PCDH7: variants seen among roughly 807,000 people sequenced by gnomAD.
The protein encoded by PCDH7 is protocadherin 7.
Under a neutral mutation model 58.9 loss-of-function variants are expected in PCDH7, and 17 were observed. The observed-to-expected ratio is 0.29, with a 90% CI of 0.20 to 0.43. PCDH7 has a LOEUF of 0.43. Ranked by LOEUF, PCDH7 falls within the 20% of genes least tolerant of loss-of-function variation. The probability of loss-of-function intolerance (pLI) is 1.00; values close to 1 mark genes in which losing one functional copy is unlikely to be tolerated. For missense variants in PCDH7, 1,274 were observed against 1,441.0 expected (o/e 0.88, Z 1.88); for synonymous variants, 664 against 616.4 (o/e 1.08, Z -1.14).
intron 3 of PCDH7, among the ~76,000 whole-genome samples, chr4:31,071,826 T>C (rs1449946806): frequency 6.6e-6 from 1 of 152,090 alleles, no homozygotes; most frequent in African/African-American, 2.4e-5. Context: ...TCCTGCAGTG[T>C]TAAGGAAATT....
intron 3 of PCDH7, among the ~76,000 whole-genome samples, chr4:31,138,992 A>G (rs574214552): frequency 2.0e-5 from 3 of 151,516 alleles, no homozygotes; most frequent in Non-Finnish European, 2.9e-5. Flanking sequence ...AAAAAAAAGA[A>G]AAGAAAAAAA....
chr4:31,046,065 C>T (rs1756258925), intron 3 of PCDH7, among the ~76,000 whole-genome samples: 1 of 151,984 alleles, frequency 6.6e-6, no homozygotes, highest in Non-Finnish European at 1.5e-5. Flanking sequence ...CTGCTATCTA[C>T]AGCAGCTTCC....
intron 1 of PCDH7, among the ~76,000 whole-genome samples, chr4:30,906,347 G>T (rs573071243): frequency 2.6e-5 from 4 of 152,266 alleles, no homozygotes; most frequent in Non-Finnish European, 5.9e-5. Context: ...TATTAATGCT[G>T]AAAGATTAGG....
At chr4:30,759,037 G>T (rs1310332233) in intron 1 of PCDH7, among the ~76,000 whole-genome samples, 1 of 150,096 alleles carries the variant, frequency 6.7e-6, no homozygotes, top group East Asian at 2.0e-4. Context: ...CGCCTCCCAG[G>T]TTCAAGTGAT....
chr4:30,968,376 CTATATATATA>C (rs60085619), intron 3 of PCDH7, among the ~76,000 whole-genome samples: 43 of 67,052 alleles, frequency 6.4e-4, no homozygotes, highest in Admixed American at 2.3e-3. Flanking sequence ...TATACACACA[CTATATATATA>C]TATATATATA....
chr4:30,783,607 G>A (rs1021084740), intron 1 of PCDH7, among the ~76,000 whole-genome samples: 2 of 152,088 alleles, frequency 1.3e-5, no homozygotes, highest in Non-Finnish European at 2.9e-5. Context: ...CCTGTCTGTG[G>A]TTTTGAAGTT....
exon 1 of PCDH7, chr4:30,724,039 A>C: frequency 6.2e-7 from 1 of 1,614,152 alleles, no homozygotes; most frequent in Non-Finnish European, 8.5e-7. Context: ...AAGCTATGAA[A>C]TTAGCAAACA....
rs973040152 is a variant in PCDH7 at position 30,973,484 on chromosome 4, C to A, written c.*7+23269C>A. On this transcript the variant is annotated intron_variant, in intron 3 of 3. Transcript: ENST00000509759. ...AAGACTACCACATTAGAATTTTAGGCAGATTGTTTTATTTACATTCGAGGA... is the reference window on the plus strand; with the variant it reads ...AAGACTACCACATTAGAATTTTAGGAAGATTGTTTTATTTACATTCGAGGA... 3.3e-5 allele frequency among the ~76,000 whole-genome samples: 5 copies of A among 152,052 alleles called. 1 individual carries two copies. Among genetic ancestry groups the A allele is most frequent in the African/African-American group, 1.2e-4 (5 of 41,394 alleles).
At chr4:30,964,271 T>C in intron 3 of PCDH7, among the ~76,000 whole-genome samples, 1 of 150,230 alleles carries the variant, frequency 6.7e-6, no homozygotes, top group African/African-American at 2.4e-5. Context: ...AGATGAAATC[T>C]GGCTCTGTCT....
chr4:30,973,907 G>A (rs142807025), intron 3 of PCDH7, among the ~76,000 whole-genome samples: 23 of 152,004 alleles, frequency 1.5e-4, no homozygotes, highest in Admixed American at 9.8e-4. Context: ...TTGAATTTAT[G>A]TGAATTTACT....
intron 3 of PCDH7, among the ~76,000 whole-genome samples, chr4:31,081,072 C>T (rs1183371666): frequency 1.3e-5 from 2 of 152,096 alleles, no homozygotes; most frequent in East Asian, 3.8e-4. Flanking sequence ...CTACCCAGTC[C>T]TGGGTGTGTC....
At chr4:30,965,522 A>G (rs1007764368) in intron 3 of PCDH7, among the ~76,000 whole-genome samples, 7 of 152,036 alleles carry the variant, frequency 4.6e-5, no homozygotes, top group African/African-American at 1.4e-4. Context: ...TTTTCCCTCT[A>G]TAGATCACAT....
intron 3 of PCDH7, among the ~76,000 whole-genome samples, chr4:31,077,845 C>T (rs1014174598): frequency 6.6e-6 from 1 of 152,122 alleles, no homozygotes; most frequent in African/African-American, 2.4e-5. Context: ...GCACGAGGTC[C>T]ACTGACTGAC....
At chr4:30,798,863 A>G (rs556603873) in intron 1 of PCDH7, among the ~76,000 whole-genome samples, 18 of 152,342 alleles carry the variant, frequency 1.2e-4, no homozygotes, top group African/African-American at 4.3e-4. Context: ...ACTTTGCAGC[A>G]TATTACTAAT....
At chr4:30,756,702 T>C (rs1719356666) in intron 1 of PCDH7, among the ~76,000 whole-genome samples, 1 of 152,214 alleles carries the variant, frequency 6.6e-6, no homozygotes, top group Non-Finnish European at 1.5e-5. Context: ...ACTCATTCTC[T>C]TCCTGTCTTT....
At chr4:31,085,801 A>T (rs572147308) in intron 3 of PCDH7, among the ~76,000 whole-genome samples, 20 of 152,132 alleles carry the variant, frequency 1.3e-4, no homozygotes, top group Admixed American at 8.5e-4. Context: ...AAAGTCAAAA[A>T]TATATTGTGA....
At chr4:30,825,219 G>A (rs1728946624) in intron 1 of PCDH7, among the ~76,000 whole-genome samples, 1 of 152,108 alleles carries the variant, frequency 6.6e-6, no homozygotes, top group South Asian at 2.1e-4. Context: ...TCATGCCTCA[G>A]CTATGGACAA....
intron 3 of PCDH7, among the ~76,000 whole-genome samples, chr4:30,960,151 AAGGG>A (rs1247370466): frequency 9.7e-5 from 3 of 30,866 alleles, no homozygotes; most frequent in South Asian, 1.4e-3. Context: ...GGAAGGAAGG[AAGGG>A]AGGGAGGGAG....
intron 3 of PCDH7, among the ~76,000 whole-genome samples, chr4:31,109,796 TGCCATTGG>T (rs1358259861): frequency 2.0e-5 from 3 of 152,228 alleles, no homozygotes; most frequent in Non-Finnish European, 1.5e-5. Context: ...CCACAGACAA[TGCCATTGG>T]TACATTTCAG....
Sources: allele counts gnomAD v4.1 joint callset (sites outside exome capture counted in the v4.1 genomes callset), GRCh38; gene constraint gnomAD v4.1.1; transcripts MANE v1.5; gene names NCBI Gene and HGNC (gene_info 2026-07-23, HGNC 2026-07-21).